Variants in TRIO observed in about 807,000 individuals in gnomAD.
TRIO encodes the protein trio Rho guanine nucleotide exchange factor.
In TRIO, 58 loss-of-function variants were observed where a neutral mutation model predicts 351.9. That is an observed-to-expected ratio of 0.16 (90% CI 0.13 to 0.21). The LOEUF (loss-of-function observed/expected upper bound fraction) is 0.21, where lower values mean the gene tolerates loss of function less well. Ranked by LOEUF, TRIO falls within the 10% of genes least tolerant of loss-of-function variation. The pLI is 1.00. For synonymous variants in TRIO, 1,758 were observed against 1,595.7 expected (o/e 1.10, Z -2.42); for missense variants, 3,201 against 4,027.8 (o/e 0.79, Z 5.56).
At chr5:14,331,020 G>A in intron 10 of TRIO, 120 bp downstream of exon 10, 1 of 1,432,422 alleles carries the variant, frequency 7.0e-7, no homozygotes. Context: ...CACCTCAGAT[G>A]AGGTAAAGGC....
At chr5:14,460,551 G>T (rs1238439737) in intron 34 of TRIO, among the ~76,000 whole-genome samples, 1 of 152,188 alleles carries the variant, frequency 6.6e-6, no homozygotes, top group Non-Finnish European at 1.5e-5. Flanking sequence ...TTCTGCGACA[G>T]GATTAGCTTA....
intron 16 of TRIO, among the ~76,000 whole-genome samples, chr5:14,368,412 T>C (rs1427082533): frequency 6.6e-6 from 1 of 152,202 alleles, no homozygotes. Flanking sequence ...TCTTTGGCTG[T>C]TAAGGGTCTT....
chr5:14,241,745 G>A (rs6876763), intron 1 of TRIO, among the ~76,000 whole-genome samples: 94,517 of 151,958 alleles, frequency 0.62, 31,593 homozygotes, highest in East Asian at 0.96. Flanking sequence ...TGTTTCTTCT[G>A]TCTTCCCCCA....
intron 4 of TRIO, among the ~76,000 whole-genome samples, chr5:14,288,167 T>C (rs1184119718): frequency 6.6e-6 from 1 of 152,216 alleles, no homozygotes; most frequent in Non-Finnish European, 1.5e-5. Context: ...AATTATTTTC[T>C]TGATGCAGAA....
intron 38 of TRIO, 70 bp from the exon 39 acceptor site, chr5:14,472,522 C>G: frequency 1.3e-6 from 2 of 1,548,696 alleles, no homozygotes; most frequent in South Asian, 1.1e-5. Flanking sequence ...CCATCTTGAC[C>G]AGGAGCAAAG....
At chr5:14,146,046 G>T (rs536051878) in intron 1 of TRIO, among the ~76,000 whole-genome samples, 1 of 152,326 alleles carries the variant, frequency 6.6e-6, no homozygotes, top group South Asian at 2.1e-4. Context: ...TCCCATTCCA[G>T]CGATAGCCTG....
chr5:14,410,711 A>C (rs1287185913), intron 33 of TRIO, among the ~76,000 whole-genome samples: 2 of 152,086 alleles, frequency 1.3e-5, no homozygotes, highest in African/African-American at 4.8e-5. Context: ...CTGAAGGCAA[A>C]AGTTATCTGC....
chr5:14,354,900 A>G (rs1171631099), intron 11 of TRIO, among the ~76,000 whole-genome samples: 2 of 152,226 alleles, frequency 1.3e-5, no homozygotes, highest in Admixed American at 6.5e-5. Flanking sequence ...CAGTGAAGCA[A>G]ATGTATTCAG....
intron 2 of TRIO, 26 bp from the exon 3 acceptor site, chr5:14,280,296 G>C: frequency 6.3e-7 from 1 of 1,589,828 alleles, no homozygotes; most frequent in Non-Finnish European, 8.6e-7. Flanking sequence ...TTGTGTCTAA[G>C]TGTATTCCTA....
At chr5:14,401,220 G>T (rs553900147) in intron 31 of TRIO, among the ~76,000 whole-genome samples, 156 bp downstream of exon 31, 2 of 152,296 alleles carry the variant, frequency 1.3e-5, no homozygotes, top group Admixed American at 1.3e-4. Context: ...AAGAATAGTG[G>T]AATAAATTCA....
At chr5:14,192,587 A>G (rs1422371865) in intron 1 of TRIO, among the ~76,000 whole-genome samples, 1 of 152,172 alleles carries the variant, frequency 6.6e-6, no homozygotes, top group African/African-American at 2.4e-5. Flanking sequence ...GTATTCTGGG[A>G]TAACAGGTGC....
intron 13 of TRIO, among the ~76,000 whole-genome samples, chr5:14,363,075 T>C (rs1359905625): frequency 6.6e-6 from 1 of 150,904 alleles, no homozygotes; most frequent in Non-Finnish European, 1.5e-5. Flanking sequence ...CTCAGCTTAC[T>C]GCAACCTCTG....
At chr5:14,388,490 C>T (rs1746747335) in intron 23 of TRIO, 123 bp from the exon 24 acceptor site, 3 of 960,042 alleles carry the variant, frequency 3.1e-6, no homozygotes, top group Admixed American at 4.7e-5. Flanking sequence ...ATTCACCTCT[C>T]CAAAATGATC....
At chr5:14,250,444 A>T (rs1794675236) in intron 1 of TRIO, among the ~76,000 whole-genome samples, 1 of 152,214 alleles carries the variant, frequency 6.6e-6, no homozygotes, top group South Asian at 2.1e-4. Context: ...GGGAGCTTTT[A>T]TGCAGAAAAA....
chr5:14,504,676 A>G, intron 55 of TRIO, 83 bp downstream of exon 55: 1 of 1,500,392 alleles, frequency 6.7e-7, no homozygotes, highest in Non-Finnish European at 9.0e-7. Context: ...GTTCTCTAAG[A>G]AGGATAGAAA....
At chr5:14,313,416 T>C (rs1342010324) in intron 8 of TRIO, among the ~76,000 whole-genome samples, 5 of 152,200 alleles carry the variant, frequency 3.3e-5, no homozygotes, top group Admixed American at 6.5e-5. Context: ...GAAAGAAATA[T>C]TGCATGGAAT....
chr5:14,367,864 G>A (rs1268729827), intron 16 of TRIO, among the ~76,000 whole-genome samples: 1 of 152,166 alleles, frequency 6.6e-6, no homozygotes. Context: ...TCTGTATACT[G>A]TGCCAAGGGA....
At chr5:14,473,897 T>C in intron 39 of TRIO, 97 bp from the exon 40 acceptor site, 1 of 1,169,820 alleles carries the variant, frequency 8.5e-7, no homozygotes, top group Non-Finnish European at 1.2e-6. Flanking sequence ...AGACAGTGCA[T>C]GTGTCCATTT....
At chr5:14,164,561 C>T (rs1788653566) in intron 1 of TRIO, among the ~76,000 whole-genome samples, 1 of 152,192 alleles carries the variant, frequency 6.6e-6, no homozygotes, top group Admixed American at 6.5e-5. Context: ...TCTGTTGTGC[C>T]ACGCTCAGGA....
Sources: allele counts gnomAD v4.1 joint callset (sites outside exome capture counted in the v4.1 genomes callset), GRCh38; gene constraint gnomAD v4.1.1; transcripts MANE v1.5; gene names NCBI Gene and HGNC (gene_info 2026-07-23, HGNC 2026-07-21).